The following OR10A2 variants were observed in gnomAD, a reference collection of about 807,000 sequenced individuals.
OR10A2 encodes the protein olfactory receptor family 10 subfamily A member 2, also known as olfactory receptor 10A2.
In OR10A2, 15 loss-of-function variants were observed where a neutral mutation model predicts 13.7. That is an observed-to-expected ratio of 1.10 (90% CI 0.73 to 1.69). The LOEUF is 1.69. Ranked by LOEUF, OR10A2 falls within the 40% of genes most tolerant of loss-of-function variation. The probability of loss-of-function intolerance (pLI) is 0.00; values close to 1 mark genes in which losing one functional copy is unlikely to be tolerated. For synonymous variants in OR10A2, 145 were observed against 144.7 expected (o/e 1.00, Z -0.02); for missense variants, 343 against 361.1 (o/e 0.95, Z 0.41).
At chr11:6,867,812 C>T (rs1848391224) in intron 1 of OR10A2, among the ~76,000 whole-genome samples, 1 of 152,118 alleles carries the variant, frequency 6.6e-6, no homozygotes, top group Admixed American at 6.6e-5. Flanking sequence ...TGCAGTGGCA[C>T]AATCACAGCT....
rs868165801 is a variant in OR10A2, at chr11:6,873,075, G to A, written c.*2409G>A. 2.0e-5 allele frequency: 3 copies of A among 151,936 alleles called. No individual in the cohort carries two copies. Among genetic ancestry groups the A allele is most frequent in the African/African-American group, 7.3e-5 (3 of 41,320 alleles). 9.4% of individuals were successfully genotyped at this position (151,936 alleles called of 1,614,324 possible). A position where few individuals can be genotyped will look rare whatever the true frequency, so the allele number is the denominator to read the frequency against. ...GATCTGCCTGCCTCAGCCTCCCAAG[G>A]GCTGGGATTACAGACGTGGGCCACC... is the stretch of plus-strand genomic sequence containing the variant. On this transcript the variant is annotated 3_prime_UTR_variant, in exon 2 of 2. Transcript: ENST00000641461.
In OR10A2 at chr11:6,870,733, C is replaced by G; in HGVS notation, c.*67C>G. ...TCAGTCCCAGATTTGAGATTCCTCT[C>G]TGCATCTTTCCACATCTCCAATAAG... On this transcript the variant is annotated 3_prime_UTR_variant, in exon 2 of 2. Coordinates refer to ENST00000641461, the MANE Select transcript of OR10A2 (RefSeq NM_001004460.2). The G allele has an allele frequency of 8.0e-7, 1 of 1,256,408 alleles. No homozygotes were observed. Among genetic ancestry groups the G allele is most frequent in the Non-Finnish European group, 1.1e-6 (1 of 900,636 alleles). 77.8% of individuals were successfully genotyped at this position (1,256,408 alleles called of 1,614,324 possible).
intron 1 of OR10A2, among the ~76,000 whole-genome samples, chr11:6,866,341 C>A (rs540765625): frequency 1.3e-5 from 2 of 152,002 alleles, no homozygotes; most frequent in East Asian, 3.8e-4. Context: ...TCCAACCCTG[C>A]GGGCTGCATG....
Position 6,872,317 on chromosome 11 carries a change from G to A in OR10A2, c.*1651G>A, listed in dbSNP as rs906264299. On this transcript the variant is annotated 3_prime_UTR_variant, in exon 2 of 2. Coordinates refer to ENST00000641461, the MANE Select transcript of OR10A2 (RefSeq NM_001004460.2). ...AGACCCCACTGTGATTCCTCAAGAAGCAGAAATCACTCTTTCTGTATGCAC... is the reference window on the plus strand; with the variant it reads ...AGACCCCACTGTGATTCCTCAAGAAACAGAAATCACTCTTTCTGTATGCAC... The A allele has an allele frequency of 6.6e-6, 1 of 152,078 alleles. No homozygotes were observed. The highest frequency in any genetic ancestry group is 6.5e-5 in the Admixed American group (1 of 15,276). The allele number at this position is 152,078 out of a possible 1,614,324, so 9.4% of individuals were successfully genotyped here. A position where few individuals can be genotyped will look rare whatever the true frequency, so the allele number is the denominator to read the frequency against.
At chr11:6,869,170 T>A (rs1848403147) in intron 1 of OR10A2, among the ~76,000 whole-genome samples, 1 of 152,236 alleles carries the variant, frequency 6.6e-6, no homozygotes. Context: ...AACAAAAACA[T>A]GCATATGTAA....
chr11:6,870,445 C>T lies in OR10A2; in HGVS notation c.691C>T (p.His231Tyr). The T allele has an allele frequency of 8.7e-6, 14 of 1,614,224 alleles. No individual in the cohort carries two copies. The highest frequency in any genetic ancestry group is 1.1e-5 in the Non-Finnish European group (13 of 1,180,018). Residue 231 changes from histidine to tyrosine, a missense_variant, in exon 2 of 2, where the codon CAC (histidine) becomes TAC (tyrosine). Coordinates refer to ENST00000641461, the MANE Select transcript of OR10A2 (RefSeq NM_001004460.2). ...KNKAFSTCSSHLLVVSLFYIS... is the reference protein window; with the variant it reads ...KNKAFSTCSSYLLVVSLFYIS... Reference sequence around the variant, plus strand: ...TAAAGCCTTTTCTACATGTTCCTCACACCTCCTTGTTGTCTCTCTTTTCTA... The same window carrying T: ...TAAAGCCTTTTCTACATGTTCCTCATACCTCCTTGTTGTCTCTCTTTTCTA...
Sources: allele counts gnomAD v4.1 joint callset (sites outside exome capture counted in the v4.1 genomes callset), GRCh38; gene constraint gnomAD v4.1.1; transcripts MANE v1.5; gene names NCBI Gene and HGNC (gene_info 2026-07-23, HGNC 2026-07-21).